The following SIPA1L2 variants were observed in gnomAD, a reference collection of about 807,000 sequenced individuals.
The protein encoded by SIPA1L2 is signal-induced proliferation-associated 1-like protein 2.
In SIPA1L2, 56 loss-of-function variants were observed where a neutral mutation model predicts 163.9. The observed-to-expected ratio is 0.34, with a 90% CI of 0.28 to 0.43. The LOEUF is 0.43. Among genes scored for constraint, SIPA1L2 ranks in the 20% least tolerant of loss-of-function variants. The pLI is 1.00. For missense variants in SIPA1L2, 1,974 were observed against 2,193.5 expected, an observed-to-expected ratio of 0.90 and a Z score of 2.00; for synonymous variants, 877 against 865.7, an observed-to-expected ratio of 1.01 and a Z score of -0.23.
chr1:232,406,651 A>G (rs1312876746), intron 19 of SIPA1L2, among the ~76,000 whole-genome samples: 2 of 151,968 alleles, frequency 1.3e-5, no homozygotes, highest in African/African-American at 4.8e-5. Flanking sequence ...ACATAAGGCC[A>G]AGGCTGGATT....
At chr1:232,424,842 G>T (rs1661791958) in intron 18 of SIPA1L2, among the ~76,000 whole-genome samples, 1 of 151,960 alleles carries the variant, frequency 6.6e-6, no homozygotes, top group African/African-American at 2.4e-5. Context: ...AAAAAACTTG[G>T]CAATGAATAG....
At chr1:232,493,713 C>T in intron 3 of SIPA1L2, 53 bp from the exon 4 acceptor site, 1 of 1,603,868 alleles carries the variant, frequency 6.2e-7, no homozygotes, top group Non-Finnish European at 8.5e-7. Flanking sequence ...GAACAAAGAG[C>T]AGGATGGATA....
At chr1:232,529,353 C>T (rs769749988) in intron 2 of SIPA1L2, among the ~76,000 whole-genome samples, 2 of 152,188 alleles carry the variant, frequency 1.3e-5, no homozygotes, top group Non-Finnish European at 2.9e-5. Context: ...CTTCAAAATA[C>T]GTTGTGTTCC....
chr1:232,413,649 T>C (rs1661082650), intron 19 of SIPA1L2, among the ~76,000 whole-genome samples: 1 of 152,218 alleles, frequency 6.6e-6, no homozygotes, highest in Admixed American at 6.5e-5. Flanking sequence ...TCCTTGTTAC[T>C]AGCGCTTCTC....
In SIPA1L2 at chr1:232,425,709, A is replaced by G; in HGVS notation, c.4510T>C (p.Ser1504Pro). 6.2e-7 allele frequency: 1 copy of G among 1,614,086 alleles called. No individual in the cohort carries two copies. The highest frequency in any genetic ancestry group is 8.5e-7 in the Non-Finnish European group (1 of 1,180,008). ...GCCTGGTCAAGCACGGAACTCCGGG[A>G]ACTGCCAAAGGAGGACCCCCTCCTG... ...SNRRGSSFGS[S>P]RSSVLDQALP... The change falls in exon 18 of 23, where the codon TCC (serine) becomes CCC (proline). Residue 1504 changes from serine to proline, a missense_variant. Coordinates refer to ENST00000674635, the MANE Select transcript of SIPA1L2 (RefSeq NM_020808.5).
At chr1:232,456,527 G>A (rs1466533418) in intron 10 of SIPA1L2, among the ~76,000 whole-genome samples, 1 of 152,138 alleles carries the variant, frequency 6.6e-6, no homozygotes, top group Non-Finnish European at 1.5e-5. Context: ...CTGCAGCAAG[G>A]AATTTCATTT....
intron 19 of SIPA1L2, among the ~76,000 whole-genome samples, chr1:232,409,808 A>G (rs1225463837): frequency 1.3e-5 from 2 of 152,158 alleles, no homozygotes; most frequent in Non-Finnish European, 2.9e-5. Flanking sequence ...CACCCAGCTG[A>G]GCCTAGTCAA....
At chr1:232,594,776 C>T (rs1661168118) in intron 1 of SIPA1L2, among the ~76,000 whole-genome samples, 1 of 152,140 alleles carries the variant, frequency 6.6e-6, no homozygotes, top group Admixed American at 6.5e-5. Context: ...CAGAACCTCC[C>T]CTGAAATATT....
chr1:232,538,497 T>A (rs898024398), intron 2 of SIPA1L2, among the ~76,000 whole-genome samples: 4 of 152,134 alleles, frequency 2.6e-5, no homozygotes, highest in Admixed American at 2.0e-4. Context: ...TGGCACCAGC[T>A]CCCTTTCCAC....
At chr1:232,418,814 A>G (rs981058928) in intron 18 of SIPA1L2, among the ~76,000 whole-genome samples, 2 of 152,196 alleles carry the variant, frequency 1.3e-5, no homozygotes, top group Non-Finnish European at 2.9e-5. Flanking sequence ...TTGATACTGC[A>G]GAACTGGCAA....
intron 1 of SIPA1L2, among the ~76,000 whole-genome samples, chr1:232,595,783 G>A (rs945081): frequency 0.75 from 113,724 of 152,130 alleles, 43,399 homozygotes; most frequent in East Asian, 0.92. Flanking sequence ...AGGGTTTTAG[G>A]AATATTTGGA....
intron 6 of SIPA1L2, among the ~76,000 whole-genome samples, chr1:232,481,787 T>C (rs1665371904): frequency 6.6e-6 from 1 of 152,180 alleles, no homozygotes; most frequent in Non-Finnish European, 1.5e-5. Context: ...TCCCATTTCA[T>C]TTTGTGTTCA....
intron 19 of SIPA1L2, among the ~76,000 whole-genome samples, chr1:232,406,822 G>C (rs530050099): frequency 6.6e-6 from 1 of 152,350 alleles, no homozygotes; most frequent in South Asian, 2.1e-4. Context: ...GAACATCCAA[G>C]TACGAGGCTA....
intron 10 of SIPA1L2, 101 bp downstream of exon 10, chr1:232,460,786 C>T: frequency 7.1e-7 from 1 of 1,412,882 alleles, no homozygotes; most frequent in Non-Finnish European, 9.6e-7. Flanking sequence ...CAAAGACACA[C>T]TTGACTGCAT....
At chr1:232,585,035 A>G (rs1489593706) in intron 1 of SIPA1L2, among the ~76,000 whole-genome samples, 1 of 152,204 alleles carries the variant, frequency 6.6e-6, no homozygotes. Flanking sequence ...TCAGATTTAA[A>G]CCATTATATA....
intron 2 of SIPA1L2, among the ~76,000 whole-genome samples, chr1:232,544,124 C>T (rs1331980354): frequency 8.2e-5 from 2 of 24,414 alleles, no homozygotes; most frequent in Non-Finnish European, 2.0e-4. Flanking sequence ...CAACAGAAAC[C>T]TTCTTTTTTT....
Position 232,514,232 on chromosome 1 carries a change from G to A in SIPA1L2, c.1108C>T (p.Pro370Ser), listed in dbSNP as rs1459222459. 7.6e-5 allele frequency: 122 copies of A among 1,614,038 alleles called. 1 individual carries two copies. The highest frequency in any genetic ancestry group is 9.4e-5 in the Non-Finnish European group (111 of 1,180,054). The change falls in exon 3 of 23, where the codon CCT (proline) becomes TCT (serine). Residue 370 changes from proline to serine, a missense_variant. Coordinates refer to ENST00000674635, the MANE Select transcript of SIPA1L2 (RefSeq NM_020808.5). ...TCACAGTTGCCTGTCTGGCCCGTAGGCATCTGAGTCTGGGATGCTGCAGAT... is the reference window on the plus strand; with the variant it reads ...TCACAGTTGCCTGTCTGGCCCGTAGACATCTGAGTCTGGGATGCTGCAGAT... Reference protein sequence around the residue: ...GASAASQTQMPTGQTGNCESP... With the variant: ...GASAASQTQMSTGQTGNCESP...
In SIPA1L2 at chr1:232,484,014, G is replaced by A. The variant is rs137942096; in HGVS notation, c.1807-48C>T. 9.5e-3 allele frequency: 14,648 copies of A among 1,535,724 alleles called. 113 individuals are homozygous for A. Among genetic ancestry groups the A allele is most frequent in the Non-Finnish European group, 9.9e-3 (11,241 of 1,136,762 alleles). ...TTACTTGGCAAAGCATATCAGACAAGCTAACTTCCAGTAAAATTAAAACTA... is the reference window on the plus strand; with the variant it reads ...TTACTTGGCAAAGCATATCAGACAAACTAACTTCCAGTAAAATTAAAACTA... On this transcript the variant is annotated intron_variant, in intron 5 of 22. Coordinates refer to ENST00000674635, the MANE Select transcript of SIPA1L2 (RefSeq NM_020808.5).
At chr1:232,437,274 C>A (rs1005066279) in intron 15 of SIPA1L2, among the ~76,000 whole-genome samples, 1 of 152,174 alleles carries the variant, frequency 6.6e-6, no homozygotes, top group Non-Finnish European at 1.5e-5. Flanking sequence ...CAAATCATCT[C>A]AACTTTGAAC....
Sources: allele counts gnomAD v4.1 joint callset (sites outside exome capture counted in the v4.1 genomes callset), GRCh38; gene constraint gnomAD v4.1.1; transcripts MANE v1.5; gene names NCBI Gene and HGNC (gene_info 2026-07-23, HGNC 2026-07-21).